DAB1: variants seen among roughly 807,000 people sequenced by gnomAD.
DAB1 encodes DAB adaptor protein 1, also known as disabled homolog 1.
DAB1 carries 15 observed loss-of-function variants against 64.6 expected under a neutral mutation model. The observed-to-expected ratio is 0.23, with a 90% CI of 0.16 to 0.36. The LOEUF (loss-of-function observed/expected upper bound fraction) is 0.36. Among genes scored for constraint, DAB1 ranks in the 10% least tolerant of loss-of-function variants. The probability of loss-of-function intolerance (pLI) is 1.00; values close to 1 mark genes in which losing one functional copy is unlikely to be tolerated. For synonymous variants in DAB1, 235 were observed against 251.9 expected (o/e 0.93, Z 0.64); for missense variants, 596 against 706.7 (o/e 0.84, Z 1.78).
Position 58,107,313 on chromosome 1 carries a change from A to AC in DAB1, n.387+43197_387+43198insG, listed in dbSNP as rs1441719024. On this transcript the variant is annotated intron_variant and non_coding_transcript_variant, in intron 5 of 20. Transcript: ENST00000485760. The stretch of plus-strand genomic sequence containing the variant: ...CCTCTACTAAAAATACAAAAAAAAA[A>AC]AAAAAAAAGTAGCTGGGCGTGGTGG... Among the ~76,000 whole-genome samples the AC allele has an allele frequency of 6.0e-4, 91 of 150,836 alleles. 1 individual carries two copies. In the East Asian group the frequency reaches 0.017, roughly 28 times the overall value.
At chr1:57,604,821 A>G (rs1206113942) in intron 7 of DAB1, among the ~76,000 whole-genome samples, 1 of 152,130 alleles carries the variant, frequency 6.6e-6, no homozygotes, top group African/African-American at 2.4e-5. Context: ...GAACTGTTGC[A>G]TGTTCTTAGT....
At chr1:58,240,545 T>A (rs958092293) in intron 4 of DAB1, among the ~76,000 whole-genome samples, 6 of 152,252 alleles carry the variant, frequency 3.9e-5, no homozygotes, top group African/African-American at 1.2e-4. Flanking sequence ...TAAGCCACTT[T>A]ATTTAAAATC....
At chr1:58,061,723 T>C (rs1648514058) in intron 5 of DAB1, among the ~76,000 whole-genome samples, 1 of 152,158 alleles carries the variant, frequency 6.6e-6, no homozygotes, top group African/African-American at 2.4e-5. Flanking sequence ...AAGGCTGTTC[T>C]CTTCTCAGTA....
At chr1:58,118,503 T>TATATACATACAC (rs1341446315) in intron 5 of DAB1, among the ~76,000 whole-genome samples, 2 of 53,126 alleles carry the variant, frequency 3.8e-5, no homozygotes, top group African/African-American at 1.0e-4. Context: ...TATATATATA[T>TATATACATACAC]ACACACACAC....
At chr1:57,453,076 A>G (rs1217039594) in intron 7 of DAB1, among the ~76,000 whole-genome samples, 3 of 152,284 alleles carry the variant, frequency 2.0e-5, no homozygotes, top group Non-Finnish European at 2.9e-5. Context: ...AGCTGATTAC[A>G]TGGGAAAGGG....
At chr1:57,086,620 A>G (rs1653097841) in intron 4 of DAB1, among the ~76,000 whole-genome samples, 1 of 148,384 alleles carries the variant, frequency 6.7e-6, no homozygotes, top group Non-Finnish European at 1.5e-5. Context: ...TTCTTTAGTA[A>G]CAGGTGACAG....
intron 5 of DAB1, among the ~76,000 whole-genome samples, chr1:58,092,414 AT>A (rs1387398915): frequency 1.1e-4 from 17 of 152,022 alleles, no homozygotes; most frequent in African/African-American, 3.9e-4. Context: ...TCTTCAGCTG[AT>A]CCCCTCATAG....
intron 5 of DAB1, among the ~76,000 whole-genome samples, chr1:58,089,410 T>C (rs1272299390): frequency 1.3e-5 from 2 of 152,268 alleles, no homozygotes; most frequent in Non-Finnish European, 2.9e-5. Context: ...ACTACTATTA[T>C]AGTCTTGAAC....
intron 5 of DAB1, among the ~76,000 whole-genome samples, chr1:58,023,248 C>T (rs1163891045): frequency 6.6e-6 from 1 of 152,086 alleles, no homozygotes; most frequent in African/African-American, 2.4e-5. Context: ...AAGGCCTTTC[C>T]AGAGCCTCTC....
At chr1:57,849,192 A>G (rs1040446135) in intron 1 of DAB1, among the ~76,000 whole-genome samples, 14 of 152,188 alleles carry the variant, frequency 9.2e-5, no homozygotes. Context: ...GAATGTTCAC[A>G]AAAGGTCAGC....
intron 2 of DAB1, among the ~76,000 whole-genome samples, chr1:57,206,605 C>T (rs1325992085): frequency 6.6e-6 from 1 of 152,192 alleles, no homozygotes; most frequent in South Asian, 2.1e-4. Context: ...TCATGGTTCT[C>T]TCTTTGCTCA....
At chr1:57,187,918 G>A (rs1663746045) in intron 2 of DAB1, among the ~76,000 whole-genome samples, 1 of 152,004 alleles carries the variant, frequency 6.6e-6, no homozygotes, top group African/African-American at 2.4e-5. Flanking sequence ...AAGGAGGGAG[G>A]AGAGGAGAAA....
intron 5 of DAB1, among the ~76,000 whole-genome samples, chr1:58,025,398 A>G (rs1182237063): frequency 1.3e-5 from 2 of 151,850 alleles, no homozygotes; most frequent in Non-Finnish European, 2.9e-5. Context: ...CTTATTAGCC[A>G]TGTTTAGGAA....
chr1:58,042,828 C>T (rs978999592), intron 5 of DAB1, among the ~76,000 whole-genome samples: 8 of 152,110 alleles, frequency 5.3e-5, no homozygotes, highest in Non-Finnish European at 1.2e-4. Flanking sequence ...AGGGGCACCA[C>T]AGACAGATAT....
At chr1:57,322,486 C>T (rs186444887) in intron 1 of DAB1, among the ~76,000 whole-genome samples, 48 of 152,264 alleles carry the variant, frequency 3.2e-4, no homozygotes, top group South Asian at 1.2e-3. Flanking sequence ...TGACTTACCC[C>T]GTAGACTTTG....
intron 5 of DAB1, among the ~76,000 whole-genome samples, chr1:57,990,884 G>T (rs1473039723): frequency 6.6e-6 from 1 of 152,160 alleles, no homozygotes; most frequent in African/African-American, 2.4e-5. Flanking sequence ...AGGGTACTCA[G>T]ATAGGTACCC....
chr1:57,002,483 A>C (rs1477294580), intron 14 of DAB1, among the ~76,000 whole-genome samples: 1 of 152,246 alleles, frequency 6.6e-6, no homozygotes, highest in Non-Finnish European at 1.5e-5. Context: ...GGATGCTGTC[A>C]TAATGTGGGG....
At chr1:57,151,902 C>T (rs754250021) in intron 2 of DAB1, among the ~76,000 whole-genome samples, 6 of 150,508 alleles carry the variant, frequency 4.0e-5, no homozygotes, top group Non-Finnish European at 8.8e-5. Flanking sequence ...CAACCTCCAC[C>T]TCCCAGGTTC....
chr1:58,276,234 C>T (rs1661439698), intron 4 of DAB1, among the ~76,000 whole-genome samples: 1 of 152,008 alleles, frequency 6.6e-6, no homozygotes, highest in Admixed American at 6.6e-5. Flanking sequence ...GAATTGAGTG[C>T]ATGACAATGT....
Sources: gnomAD v4.1 joint callset for allele counts (sites outside exome capture counted in the v4.1 genomes callset) on GRCh38, gnomAD v4.1.1 for gene constraint, MANE v1.5 for transcripts, NCBI Gene and HGNC (gene_info 2026-07-23, HGNC 2026-07-21) for gene names.